The following SLC5A7 variants were observed in gnomAD, a reference collection of about 807,000 sequenced individuals.
The protein encoded by SLC5A7 is solute carrier family 5 member 7.
SLC5A7 carries 19 observed loss-of-function variants against 55.4 expected under a neutral mutation model. The observed-to-expected ratio is 0.34, with a 90% CI of 0.24 to 0.50. The LOEUF (loss-of-function observed/expected upper bound fraction) is 0.50, where lower values mean the gene tolerates loss of function less well. Ranked by LOEUF, SLC5A7 falls within the 20% of genes least tolerant of loss-of-function variation. The pLI, the probability that SLC5A7 is intolerant of heterozygous loss-of-function variation, is 0.98. For synonymous variants in SLC5A7, 265 were observed against 263.7 expected (o/e 1.00, Z -0.05); for missense variants, 506 against 705.3 (o/e 0.72, Z 3.20).
chr2:108,008,175 T>C (rs1280190458), intron 7 of SLC5A7, among the ~76,000 whole-genome samples: 2 of 152,192 alleles, frequency 1.3e-5, no homozygotes, highest in Non-Finnish European at 2.9e-5. Flanking sequence ...TTATGAGAGT[T>C]TGTTTTCTAT....
intron 2 of SLC5A7, among the ~76,000 whole-genome samples, chr2:107,990,976 A>G (rs1677431995): frequency 6.6e-6 from 1 of 152,300 alleles, no homozygotes; most frequent in South Asian, 2.1e-4. Flanking sequence ...ACTTTACACA[A>G]ATTCTGTATA....
chr2:108,004,222 T>C lies in SLC5A7; in HGVS notation c.742-1827T>C, dbSNP rs554343229. Among the ~76,000 whole-genome samples the C allele has an allele frequency of 6.3e-4, 96 of 152,330 alleles. 2 individuals carry two copies. In the South Asian group the frequency reaches 0.019, roughly 30 times the overall value. On this transcript the variant is annotated intron_variant, in intron 6 of 8. Coordinates refer to ENST00000264047, the MANE Select transcript of SLC5A7 (RefSeq NM_021815.5). ...CTGATGACCTAAATGTCCAGGGTGATGAATATGTAATTTATGATGTATCAA... is the reference window on the plus strand; with the variant it reads ...CTGATGACCTAAATGTCCAGGGTGACGAATATGTAATTTATGATGTATCAA...
In SLC5A7 at chr2:108,012,507, T is replaced by C. The variant is rs141353878; in HGVS notation, c.*1646T>C. ...CAAAGCATCAAATAATACATCTTTATCATTAAACATGAATTTAATGTCTAG... is the reference window on the plus strand; with the variant it reads ...CAAAGCATCAAATAATACATCTTTACCATTAAACATGAATTTAATGTCTAG... On this transcript the variant is annotated 3_prime_UTR_variant, in exon 9 of 9. Coordinates refer to ENST00000264047, the MANE Select transcript of SLC5A7 (RefSeq NM_021815.5). 8.1e-3 allele frequency: 1,230 copies of C among 152,276 alleles called. 19 individuals carry two copies. Among genetic ancestry groups the C allele is most frequent in the African/African-American group, 0.027 (1,135 of 41,572 alleles). The allele number at this position is 152,276 out of a possible 1,614,324, so 9.4% of individuals were successfully genotyped here. A position where few individuals can be genotyped will look rare whatever the true frequency, so the allele number is the denominator to read the frequency against.
chr2:108,005,599 CT>C (rs1678078059), intron 6 of SLC5A7, among the ~76,000 whole-genome samples: 1 of 152,194 alleles, frequency 6.6e-6, no homozygotes, highest in Non-Finnish European at 1.5e-5. Flanking sequence ...AACGGAGTGG[CT>C]TATAAACAAC....
intron 7 of SLC5A7, among the ~76,000 whole-genome samples, chr2:108,008,205 C>T (rs1333809240): frequency 1.3e-5 from 2 of 152,158 alleles, no homozygotes; most frequent in African/African-American, 4.8e-5. Flanking sequence ...CAATGTAACA[C>T]CATCATTGCA....
chr2:108,006,274 A>T lies in SLC5A7; in HGVS notation c.895+72A>T, dbSNP rs1203716068. ...CCCCACCCAGACACCCTTCTGTCCC[A>T]CTCCCCTCTTTCCTCCACATAGTGA... is the stretch of plus-strand genomic sequence containing the variant. On this transcript the variant is annotated intron_variant, in intron 7 of 8. Coordinates refer to ENST00000264047, the MANE Select transcript of SLC5A7 (RefSeq NM_021815.5). 3.2e-6 allele frequency: 5 copies of T among 1,539,364 alleles called. No homozygotes were observed. The African/African-American group carries it at 4.2e-5, about 13-fold the overall frequency.
At chr2:108,006,377 ATT>A (rs35756712) in intron 7 of SLC5A7, among the ~76,000 whole-genome samples, 175 bp downstream of exon 7, 39 of 119,274 alleles carry the variant, frequency 3.3e-4, no homozygotes, top group Admixed American at 6.1e-4. Flanking sequence ...AGCGGCCTCC[ATT>A]TTTTTTTTTT....
chr2:107,995,785 A>T (rs1276220930), intron 4 of SLC5A7, among the ~76,000 whole-genome samples: 1 of 152,182 alleles, frequency 6.6e-6, no homozygotes, highest in Non-Finnish European at 1.5e-5. Context: ...AGAAATTGAC[A>T]TCCTACAACA....
At chr2:107,990,229 T>C (rs1216542688) in intron 2 of SLC5A7, among the ~76,000 whole-genome samples, 2 of 152,214 alleles carry the variant, frequency 1.3e-5, no homozygotes, top group Non-Finnish European at 1.5e-5. Flanking sequence ...AATTCAATTA[T>C]AAAGGGGACT....
At position 107,988,255 on chromosome 2, in the gene SLC5A7, A is replaced by C; in HGVS notation, c.100A>C (p.Ser34Arg). ...TGCCTGGAGAACCAAAAACAGTGGC[A>C]GCGCAGAAGAGCGCAGCGAAGCCAT... ...WAAWRTKNSG[S>R]AEERSEAIIV... Residue 34 changes from serine to arginine, a missense_variant, in exon 2 of 9, where the codon AGC becomes CGC. This residue lies in a region of SLC5A7 where 56 missense variants were observed against 62.6 expected (regional missense o/e 0.89). Coordinates refer to ENST00000264047, the MANE Select transcript of SLC5A7 (RefSeq NM_021815.5). 6.2e-7 allele frequency: 1 copy of C among 1,614,200 alleles called. No individual in the cohort carries two copies. Among genetic ancestry groups the C allele is most frequent in the Non-Finnish European group, 8.5e-7 (1 of 1,180,014 alleles).
chr2:107,990,738 C>A (rs13395214), intron 2 of SLC5A7, among the ~76,000 whole-genome samples: 8,893 of 152,206 alleles, frequency 0.058, 340 homozygotes, highest in South Asian at 0.12. Flanking sequence ...CCCTAAGACT[C>A]CCTCTTCTTT....
intron 6 of SLC5A7, among the ~76,000 whole-genome samples, chr2:108,004,866 T>C (rs1366704001): frequency 6.6e-6 from 1 of 152,220 alleles, no homozygotes; most frequent in African/African-American, 2.4e-5. Context: ...AACATGCAGC[T>C]ACCCTTTCTC....
rs1023745852 is a variant in SLC5A7 at position 108,013,904 on chromosome 2, G to A, written c.*3043G>A. ...AATGAATTTTATGTGACTATGAAAC[G>A]AATATAAGCTTAAAATAAGTGAATC... On this transcript the variant is annotated 3_prime_UTR_variant, in exon 9 of 9. Transcript: ENST00000264047. The A allele has an allele frequency of 2.0e-5, 3 of 152,012 alleles. No homozygotes were observed. Among genetic ancestry groups the A allele is most frequent in the Non-Finnish European group, 4.4e-5 (3 of 67,972 alleles). 9.4% of individuals were successfully genotyped at this position (152,012 alleles called of 1,614,324 possible). A position where few individuals can be genotyped will look rare whatever the true frequency, so the allele number is the denominator to read the frequency against.
At chr2:108,001,306 TATA>T in intron 5 of SLC5A7, among the ~76,000 whole-genome samples, 1 of 152,112 alleles carries the variant, frequency 6.6e-6, no homozygotes. Context: ...ATATTTCAAA[TATA>T]ATATTTTCTT....
At chr2:107,995,466 AGAGAGT>A (rs1185630118) in intron 4 of SLC5A7, among the ~76,000 whole-genome samples, 284 of 127,446 alleles carry the variant, frequency 2.2e-3, no homozygotes, top group Middle Eastern at 8.6e-3. Context: ...AGAGAGAGAG[AGAGAGT>A]GTGTGTGTGT....
chr2:108,002,900 A>T (rs746624495), intron 6 of SLC5A7, among the ~76,000 whole-genome samples: 1 of 152,176 alleles, frequency 6.6e-6, no homozygotes, highest in Non-Finnish European at 1.5e-5. Flanking sequence ...TTTTTCTATT[A>T]AGCTTAAAGG....
chr2:107,995,157 A>G (rs1677618379), intron 4 of SLC5A7, among the ~76,000 whole-genome samples: 1 of 152,224 alleles, frequency 6.6e-6, no homozygotes, highest in East Asian at 1.9e-4. Flanking sequence ...CAGGCTATAC[A>G]GTATAGTCTA....
Position 108,010,657 on chromosome 2 carries a change from A to G in SLC5A7, c.1539A>G (p.Val513=), listed in dbSNP as rs2104383883. The part of the protein sequence containing the change: ...ESGTLPPKLD[V]FDAVVARHSE... ...GAACCTTGCCACCTAAATTAGATGT[A>G]TTTGATGCTGTTGTTGCAAGACACA... is the stretch of plus-strand genomic sequence containing the variant. Residue 513 remains valine (V), a synonymous_variant, in exon 9 of 9, where the codon GTA becomes GTG. Transcript: ENST00000264047. 1 of 1,613,962 alleles carries G rather than the reference A, an allele frequency of 6.2e-7. No homozygotes were observed. Among genetic ancestry groups the G allele is most frequent in the Non-Finnish European group, 8.5e-7 (1 of 1,179,932 alleles).
chr2:107,996,273 G>T (rs547623146), intron 4 of SLC5A7, among the ~76,000 whole-genome samples: 2 of 152,100 alleles, frequency 1.3e-5, no homozygotes, highest in African/African-American at 4.8e-5. Context: ...AACTCAGTCA[G>T]TTATCTGAAG....
Sources: gnomAD v4.1 joint callset for allele counts (sites outside exome capture counted in the v4.1 genomes callset) on GRCh38, gnomAD v4.1.1 for gene constraint, gnomAD v4.1.1 regional missense constraint, MANE v1.5 for transcripts, NCBI Gene and HGNC (gene_info 2026-07-23, HGNC 2026-07-21) for gene names.